FLNB: variants seen among roughly 807,000 people sequenced by gnomAD.
FLNB encodes the protein filamin-B.
In FLNB, 111 loss-of-function variants were observed where a neutral mutation model predicts 250.6. The observed-to-expected ratio is 0.44, with a 90% CI of 0.38 to 0.52. The LOEUF is 0.52. Ranked by LOEUF, FLNB falls within the 20% of genes least tolerant of loss-of-function variation. The pLI is 0.00. For missense variants in FLNB, 2,869 were observed against 3,447.8 expected, an observed-to-expected ratio of 0.83 and a Z score of 4.20; for synonymous variants, 1,302 against 1,372.1, an observed-to-expected ratio of 0.95 and a Z score of 1.13.
chr3:58,115,423 A>C (rs2097276261), intron 18 of FLNB, among the ~76,000 whole-genome samples: 1 of 152,312 alleles, frequency 6.6e-6, no homozygotes, highest in South Asian at 2.1e-4. Context: ...AGCCGTTAGA[A>C]AGTAAGTTGC....
At chr3:58,087,232 A>T (rs1038361334) in intron 4 of FLNB, among the ~76,000 whole-genome samples, 3 of 151,808 alleles carry the variant, frequency 2.0e-5, no homozygotes, top group East Asian at 1.9e-4. Context: ...TTAAGGAATT[A>T]TTTTTTTTTA....
intron 41 of FLNB, among the ~76,000 whole-genome samples, chr3:58,157,678 T>C (rs2097355344): frequency 6.6e-6 from 1 of 152,226 alleles, no homozygotes; most frequent in African/African-American, 2.4e-5. Context: ...GGGCAGGAGC[T>C]GCCCTCATGC....
chr3:58,163,813 G>T (rs1429784029), intron 43 of FLNB: 1 of 161,908 alleles, frequency 6.2e-6, no homozygotes, highest in African/African-American at 2.4e-5. Flanking sequence ...CTTAATGGAG[G>T]AGGAGAAAAG....
intron 3 of FLNB, 146 bp from the exon 4 acceptor site, chr3:58,081,483 T>G: frequency 1.2e-6 from 1 of 853,706 alleles, no homozygotes; most frequent in African/African-American, 1.7e-5. Context: ...GATATTGGTG[T>G]GTTGGTTTAA....
intron 38 of FLNB, among the ~76,000 whole-genome samples, chr3:58,152,133 T>C (rs1489211780): frequency 6.6e-6 from 1 of 152,234 alleles, no homozygotes; most frequent in Non-Finnish European, 1.5e-5. Context: ...TTCCAGCTCT[T>C]GGCCATTTTG....
At chr3:58,109,983 T>C (rs1288396327) in intron 15 of FLNB, 27 bp from the exon 16 acceptor site, 1 of 1,613,774 alleles carries the variant, frequency 6.2e-7, no homozygotes, top group African/African-American at 1.3e-5. Flanking sequence ...TCTTGTAAGC[T>C]GGTGCTAATA....
chr3:58,148,334 C>T lies in FLNB; in HGVS notation c.5857C>T (p.Leu1953Phe), dbSNP rs761173988. The T allele has an allele frequency of 6.2e-7, 1 of 1,613,950 alleles. No homozygotes were observed. The highest frequency in any genetic ancestry group is 8.5e-7 in the Non-Finnish European group (1 of 1,179,972). ...CCCATCTGGCCGAGACGAGCCCTGT[C>T]TCCTGAAGAGGCTGCCCAACAACCA... The part of the protein sequence containing the change: ...KAPSGRDEPC[L>F]LKRLPNNHIG... Residue 1953 changes from leucine to phenylalanine, a missense_variant, in exon 35 of 46, where the codon CTC becomes TTC. This residue lies in a region of FLNB where 1,084 missense variants were observed against 1,315.5 expected (regional missense o/e 0.82). Coordinates refer to ENST00000295956, the MANE Select transcript of FLNB (RefSeq NM_001457.4).
rs974022050 is a variant in FLNB at position 58,130,658 on chromosome 3, G to A, written c.4223-83G>A. 29 of 1,443,852 alleles carry A rather than the reference G, an allele frequency of 2.0e-5. No homozygotes were observed. In the African/African-American group the frequency reaches 2.7e-4, roughly 13 times the overall value. 89.4% of individuals were successfully genotyped at this position (1,443,852 alleles called of 1,614,324 possible). On this transcript the variant is annotated intron_variant, in intron 24 of 45. Coordinates refer to ENST00000295956, the MANE Select transcript of FLNB (RefSeq NM_001457.4). Reference sequence around the variant, plus strand: ...AGGCCTGCATGGCCGAGGTCCCGGGGGAGCAGCAGTGCTATTCTGGGTGTG... The same window carrying A: ...AGGCCTGCATGGCCGAGGTCCCGGGAGAGCAGCAGTGCTATTCTGGGTGTG...
chr3:58,011,591 G>C (rs1485313095), intron 1 of FLNB, among the ~76,000 whole-genome samples: 1 of 152,164 alleles, frequency 6.6e-6, no homozygotes, highest in East Asian at 1.9e-4. Flanking sequence ...AGGCTGTTGT[G>C]GGTAATGGTC....
rs781513253 is a variant in FLNB, at chr3:58,168,664, G to A, written c.7417+6G>A. ...CTTCAAGGCCAAGGTGACAGGTAACGAACAACCACCTTCGGAGTTACTCTC... is the reference window on the plus strand; with the variant it reads ...CTTCAAGGCCAAGGTGACAGGTAACAAACAACCACCTTCGGAGTTACTCTC... On this transcript the variant is annotated splice_donor_region_variant and intron_variant, in intron 44 of 45. Transcript: ENST00000295956. The A allele has an allele frequency of 9.4e-6, 15 of 1,604,016 alleles. No homozygotes were observed. Among genetic ancestry groups the A allele is most frequent in the East Asian group, 6.7e-5 (3 of 44,838 alleles).
At chr3:58,042,352 T>C (rs892199894) in intron 1 of FLNB, among the ~76,000 whole-genome samples, 1 of 150,984 alleles carries the variant, frequency 6.6e-6, no homozygotes, top group African/African-American at 2.5e-5. Context: ...TAGGTTTTTT[T>C]TTTTTTTTTT....
intron 25 of FLNB, chr3:58,131,848 A>G (rs2097307979): frequency 4.0e-6 from 4 of 996,488 alleles, no homozygotes; most frequent in Non-Finnish European, 6.1e-6. Context: ...AGAGAGGGAG[A>G]AAAAGAAGAA....
In FLNB at chr3:58,169,596, G is replaced by A. The variant is rs568474038; in HGVS notation, c.7424G>A (p.Arg2475His). The change falls in exon 45 of 46, where the codon CGT (arginine) becomes CAT (histidine). Residue 2475 changes from arginine to histidine, a missense_variant. By Grantham distance (29) the Arg-to-His change is conservative. Coordinates refer to ENST00000295956, the MANE Select transcript of FLNB (RefSeq NM_001457.4). This position sits in a 1 kb window ranked among gnomAD's most constrained non-coding sequence, Gnocchi z 4.8. ...SPFKAKVTGQ[R>H]LVSPGSANET... ...CCTCCCTCCTGTATCTTAGGCCAGCGTCTAGTTAGCCCTGGCTCAGCCAAC... is the reference window on the plus strand; with the variant it reads ...CCTCCCTCCTGTATCTTAGGCCAGCATCTAGTTAGCCCTGGCTCAGCCAAC... 4.4e-5 allele frequency: 71 copies of A among 1,613,988 alleles called. No homozygotes were observed. The highest frequency in any genetic ancestry group is 1.2e-4 in the African/African-American group (9 of 75,020).
chr3:58,169,830 A>ACTGGGGGGGGGGGGGGCT lies in FLNB; in HGVS notation c.7621+37_7621+38insCTGGGGGGGGGGGGGGCT. 3.0e-6 allele frequency: 2 copies of ACTGGGGGGGGGGGGGGCT among 672,048 alleles called. No homozygotes were observed. The highest frequency in any genetic ancestry group is 5.4e-6 in the Non-Finnish European group (2 of 370,016). The allele number at this position is 672,048 out of a possible 1,614,324, so 41.6% of individuals were successfully genotyped here. ...GGCCTTTTCAAGGGTGGGGTGGGGC[A>ACTGGGGGGGGGGGGGGCT]GGGGCAGGCTGGGCACCCTGGGTAC... On this transcript the variant is annotated intron_variant, in intron 45 of 45. Coordinates refer to ENST00000295956, the MANE Select transcript of FLNB (RefSeq NM_001457.4). This position sits in a 1 kb window ranked among gnomAD's most constrained non-coding sequence, Gnocchi z 4.8.
intron 1 of FLNB, among the ~76,000 whole-genome samples, chr3:58,024,348 G>A (rs1362100094): frequency 6.6e-6 from 1 of 152,160 alleles, no homozygotes; most frequent in African/African-American, 2.4e-5. Flanking sequence ...ATATAATCCT[G>A]ATAAATCACT....
intron 1 of FLNB, among the ~76,000 whole-genome samples, chr3:58,013,212 T>C (rs137955540): frequency 6.3e-4 from 96 of 152,190 alleles, no homozygotes; most frequent in Middle Eastern, 3.4e-3. Context: ...GGCCTAGAAG[T>C]TTGGGTGGTG....
At chr3:58,058,197 A>T (rs1401331606) in intron 1 of FLNB, among the ~76,000 whole-genome samples, 2 of 152,122 alleles carry the variant, frequency 1.3e-5, no homozygotes, top group Admixed American at 6.5e-5. Flanking sequence ...GATGTGTTTT[A>T]GTTATTACAG....
intron 1 of FLNB, among the ~76,000 whole-genome samples, chr3:58,028,821 G>A (rs893901815): frequency 5.3e-5 from 8 of 151,542 alleles, no homozygotes; most frequent in South Asian, 2.1e-4. Flanking sequence ...TCACCATGTC[G>A]ATCAGGCTGG....
chr3:58,145,705 A>T (rs2097334698), intron 32 of FLNB, among the ~76,000 whole-genome samples: 1 of 151,792 alleles, frequency 6.6e-6, no homozygotes, highest in African/African-American at 2.4e-5. Flanking sequence ...TGTTTTTCTT[A>T]TGTTGTGATT....
Sources: allele counts gnomAD v4.1 joint callset (sites outside exome capture counted in the v4.1 genomes callset), GRCh38; gene constraint gnomAD v4.1.1; regional missense constraint gnomAD v4.1.1; non-coding constraint Gnocchi (gnomAD v3.1); transcripts MANE v1.5; gene names NCBI Gene and HGNC (gene_info 2026-07-23, HGNC 2026-07-21).